The following VCAN variants were observed in gnomAD, a reference collection of about 807,000 sequenced individuals.
The protein encoded by VCAN is versican.
In VCAN, 44 loss-of-function variants were observed where a neutral mutation model predicts 245.5. The ratio of observed to expected loss-of-function variants is 0.18; its 90% CI spans 0.14 to 0.23. The LOEUF (loss-of-function observed/expected upper bound fraction) is 0.23. VCAN is among the 10% of genes least tolerant of loss of function. The pLI, the probability that VCAN is intolerant of heterozygous loss-of-function variation, is 1.00. For synonymous variants in VCAN, 1,413 were observed against 1,437.0 expected (o/e 0.98, Z 0.38); for missense variants, 3,793 against 4,057.9 (o/e 0.93, Z 1.77).
intron 1 of VCAN, among the ~76,000 whole-genome samples, chr5:83,481,331 T>C (rs80183838): frequency 0.059 from 8,918 of 151,466 alleles, 847 homozygotes; most frequent in African/African-American, 0.2. Context: ...CCCGGGTTCA[T>C]GCCATAAAGA....
intron 13 of VCAN, among the ~76,000 whole-genome samples, chr5:83,575,422 C>G (rs901478299): frequency 5.9e-5 from 9 of 152,188 alleles, no homozygotes; most frequent in African/African-American, 2.2e-4. Context: ...GGAATCTTTA[C>G]TAAATTATTC....
intron 7 of VCAN, among the ~76,000 whole-genome samples, chr5:83,523,539 C>T (rs1353932922): frequency 1.3e-5 from 2 of 151,580 alleles, no homozygotes; most frequent in African/African-American, 2.4e-5. Context: ...AAACAAGTAG[C>T]GTTATTGTCA....
intron 5 of VCAN, among the ~76,000 whole-genome samples, chr5:83,500,409 G>A (rs551843531): frequency 2.0e-5 from 3 of 152,306 alleles, no homozygotes; most frequent in South Asian, 4.1e-4. Context: ...AAGCAATCAG[G>A]CACAGCATGG....
chr5:83,539,123 T>A lies in VCAN; in HGVS notation c.6120T>A (p.Ile2040=). The A allele has an allele frequency of 6.2e-7, 1 of 1,613,978 alleles. No homozygotes were observed. Among genetic ancestry groups the A allele is most frequent in the Non-Finnish European group, 8.5e-7 (1 of 1,179,978 alleles). The change falls in exon 8 of 15, where the codon ATT becomes ATA. Residue 2040 remains isoleucine, a synonymous_variant. Transcript: ENST00000265077. ...VQKFSGTASS[I]IDEGLGEVGT... ...AGTTTTCTGGTACAGCTTCCTCCAT[T>A]ATCGACGAAGGATTGGGAGAAGTGG...
chr5:83,518,295 G>A (rs1745935350), intron 6 of VCAN, among the ~76,000 whole-genome samples: 1 of 152,024 alleles, frequency 6.6e-6, no homozygotes, highest in Non-Finnish European at 1.5e-5. Flanking sequence ...CCTGTGTTGA[G>A]AAAGAATCTT....
At chr5:83,479,268 A>T (rs2112335886) in intron 1 of VCAN, among the ~76,000 whole-genome samples, 1 of 152,166 alleles carries the variant, frequency 6.6e-6, no homozygotes, top group African/African-American at 2.4e-5. Context: ...TCTGTCCTTA[A>T]GTCACCCCTT....
intron 2 of VCAN, among the ~76,000 whole-genome samples, chr5:83,484,386 A>G (rs1004077056): frequency 6.6e-6 from 1 of 151,582 alleles, no homozygotes; most frequent in Non-Finnish European, 1.5e-5. Context: ...AAATCTTTCC[A>G]TCTGTTTGCT....
chr5:83,537,173 A>G lies in VCAN; in HGVS notation c.4170A>G (p.Glu1390=). The change falls in exon 8 of 15, where the codon GAA becomes GAG. Residue 1390 remains glutamate (E), a synonymous_variant. Coordinates refer to ENST00000265077, the MANE Select transcript of VCAN (RefSeq NM_004385.5). Reference sequence around the variant, plus strand: ...ACCTATACCACAGTGAAGAAAATGAAGAAGAAGAAGAAGAGTGTGCAAATG... The same window carrying G: ...ACCTATACCACAGTGAAGAAAATGAGGAAGAAGAAGAAGAGTGTGCAAATG... ...EIDLYHSEEN[E]EEEEECANAT... 7 of 1,610,980 alleles carry G rather than the reference A, an allele frequency of 4.3e-6. No homozygotes were observed. The highest frequency in any genetic ancestry group is 5.9e-6 in the Non-Finnish European group (7 of 1,177,858).
intron 11 of VCAN, among the ~76,000 whole-genome samples, chr5:83,554,171 T>A (rs1747577767): frequency 6.6e-6 from 1 of 152,236 alleles, no homozygotes; most frequent in Non-Finnish European, 1.5e-5. Flanking sequence ...TTGTTGCTCA[T>A]AAAGCATTTT....
intron 13 of VCAN, among the ~76,000 whole-genome samples, chr5:83,572,837 C>T (rs1477467260): frequency 1.3e-5 from 2 of 151,606 alleles, no homozygotes; most frequent in East Asian, 3.9e-4. Context: ...AACTGCCAGT[C>T]CAAAGGCCAA....
At chr5:83,568,185 A>C (rs141352097) in intron 12 of VCAN, among the ~76,000 whole-genome samples, 26 of 152,284 alleles carry the variant, frequency 1.7e-4, no homozygotes, top group African/African-American at 6.0e-4. Flanking sequence ...GGCTGTAAAG[A>C]ATTCAGAAAG....
At chr5:83,571,371 A>G (rs959576577) in intron 12 of VCAN, among the ~76,000 whole-genome samples, 1 of 152,190 alleles carries the variant, frequency 6.6e-6, no homozygotes, top group Non-Finnish European at 1.5e-5. Flanking sequence ...CCTAAACCGG[A>G]GAGTTCTGGG....
Position 83,553,458 on chromosome 5 carries a change from A to G in VCAN, c.9588A>G (p.Glu3196=). The change falls in exon 11 of 15, where the codon GAA becomes GAG. Residue 3196 remains glutamate (E), a synonymous_variant. Coordinates refer to ENST00000265077, the MANE Select transcript of VCAN (RefSeq NM_004385.5). Reference sequence around the variant, plus strand: ...GCACATGGGATGCAGCTGAACGGGAATGCCGTCTGCAGGGTGCCCATCTCA... The same window carrying G: ...GCACATGGGATGCAGCTGAACGGGAGTGCCGTCTGCAGGGTGCCCATCTCA... ...HRRTWDAAER[E]CRLQGAHLTS... is the part of the protein sequence containing the mutation. 6.2e-7 allele frequency: 1 copy of G among 1,614,140 alleles called. No homozygotes were observed. The highest frequency in any genetic ancestry group is 8.5e-7 in the Non-Finnish European group (1 of 1,179,974).
chr5:83,575,775 A>G (rs1367032081), intron 13 of VCAN, among the ~76,000 whole-genome samples: 1 of 152,160 alleles, frequency 6.6e-6, no homozygotes, highest in Non-Finnish European at 1.5e-5. Context: ...CCACTGCCCT[A>G]TACCAAAAAA....
At chr5:83,559,873 G>A (rs2112479608) in intron 12 of VCAN, among the ~76,000 whole-genome samples, 1 of 152,098 alleles carries the variant, frequency 6.6e-6, no homozygotes, top group South Asian at 2.1e-4. Flanking sequence ...TTTGAATCCT[G>A]AAATGAACAC....
intron 7 of VCAN, 77 bp from the exon 8 acceptor site, chr5:83,536,930 A>G (rs1746733926): frequency 5.4e-6 from 7 of 1,286,122 alleles, no homozygotes; most frequent in Non-Finnish European, 7.5e-6. Context: ...GGGTGTGACC[A>G]GCCTTGCTAT....
intron 8 of VCAN, 105 bp from the exon 9 acceptor site, chr5:83,545,432 G>GT (rs1461988878): frequency 9.1e-6 from 8 of 881,072 alleles, no homozygotes; most frequent in Non-Finnish European, 1.6e-5. Context: ...AAATTGCTAT[G>GT]GTAAAGCCTA....
chr5:83,532,828 C>T (rs1746572368), intron 7 of VCAN, among the ~76,000 whole-genome samples: 2 of 152,096 alleles, frequency 1.3e-5, no homozygotes, highest in South Asian at 4.1e-4. Context: ...ATAATTTCAA[C>T]TCCCATTTTG....
At chr5:83,574,377 T>C (rs1043417029) in intron 13 of VCAN, among the ~76,000 whole-genome samples, 3 of 152,220 alleles carry the variant, frequency 2.0e-5, no homozygotes, top group Admixed American at 2.0e-4. Flanking sequence ...GGCACCCATA[T>C]GCATGTTTTT....
Sources: allele counts gnomAD v4.1 joint callset (sites outside exome capture counted in the v4.1 genomes callset), GRCh38; gene constraint gnomAD v4.1.1; transcripts MANE v1.5; gene names NCBI Gene and HGNC (gene_info 2026-07-23, HGNC 2026-07-21).